KIFC3: variants seen among roughly 807,000 people sequenced by gnomAD.
KIFC3 encodes the protein kinesin family member C3.
Under a neutral mutation model 101.8 loss-of-function variants are expected in KIFC3, and 60 were observed. The ratio of observed to expected loss-of-function variants is 0.59; its 90% CI spans 0.48 to 0.73. The LOEUF is 0.73. Ranked by LOEUF, KIFC3 falls within the 30% of genes least tolerant of loss-of-function variation. The probability of loss-of-function intolerance (pLI) is 0.00; values close to 1 mark genes in which losing one functional copy is unlikely to be tolerated. For synonymous variants in KIFC3, 476 were observed against 482.7 expected, an observed-to-expected ratio of 0.99 and a Z score of 0.18; for missense variants, 966 against 1,137.1, an observed-to-expected ratio of 0.85 and a Z score of 2.16.
intron 3 of KIFC3, among the ~76,000 whole-genome samples, chr16:57,789,791 C>G (rs2053691992): frequency 6.6e-6 from 1 of 152,146 alleles, no homozygotes; most frequent in Admixed American, 6.5e-5. Flanking sequence ...GGCTGGAGTG[C>G]AGTGGTGTGA....
intron 1 of KIFC3, among the ~76,000 whole-genome samples, chr16:57,861,453 A>G (rs1420197925): frequency 4.6e-5 from 7 of 152,172 alleles, no homozygotes; most frequent in Non-Finnish European, 8.8e-5. Context: ...CTCACTGCAC[A>G]ACCTTAGATA....
intron 1 of KIFC3, among the ~76,000 whole-genome samples, chr16:57,818,893 A>T (rs534810025): frequency 2.7e-4 from 41 of 152,212 alleles, no homozygotes; most frequent in Non-Finnish European, 5.7e-4. Flanking sequence ...TCAGCTCCTC[A>T]TCCCCTGTCT....
chr16:57,761,047 G>T lies in KIFC3; in HGVS notation c.1997C>A (p.Thr666Asn), dbSNP rs1722365806. 1 of 1,609,466 alleles carries T rather than the reference G, an allele frequency of 6.2e-7. No individual in the cohort carries two copies. The change falls in exon 15 of 20, where the codon ACC (threonine) becomes AAC (asparagine). Residue 666 changes from threonine (T) to asparagine (N), a missense_variant. By Grantham distance (65) the Thr-to-Asn change is moderately conservative. This residue lies in a region of KIFC3 where 689 missense variants were observed against 884.6 expected (regional missense o/e 0.78). Coordinates refer to ENST00000445690, the MANE Select transcript of KIFC3 (RefSeq NM_001130100.2). Reference sequence around the variant, plus strand: ...AGGCTGCCTGCCACTCTCACCCGTGGTGCGGAGGCCTGTGCTGCAGTCCAC... The same window carrying T: ...AGGCTGCCTGCCACTCTCACCCGTGTTGCGGAGGCCTGTGCTGCAGTCCAC... ...RGVDCSTGLR[T>N]TGKLNLVDLA...
At chr16:57,858,888 C>T (rs769214348) in intron 1 of KIFC3, among the ~76,000 whole-genome samples, 13 of 152,058 alleles carry the variant, frequency 8.5e-5, no homozygotes, top group Non-Finnish European at 1.2e-4. Flanking sequence ...AAATCAATGC[C>T]GCAGTGAGCT....
chr16:57,837,883 G>A (rs1197992323), intron 1 of KIFC3, among the ~76,000 whole-genome samples: 2 of 152,132 alleles, frequency 1.3e-5, no homozygotes, highest in Non-Finnish European at 2.9e-5. Flanking sequence ...TGCTTGCTGC[G>A]TGGATGGGAT....
intron 1 of KIFC3, among the ~76,000 whole-genome samples, chr16:57,832,287 C>G (rs1364787007): frequency 7.4e-6 from 1 of 135,688 alleles, no homozygotes; most frequent in Admixed American, 7.9e-5. Flanking sequence ...TCCCAGAGTG[C>G]TGGGATTACA....
chr16:57,843,681 G>T (rs762852725), intron 1 of KIFC3, among the ~76,000 whole-genome samples: 7 of 152,156 alleles, frequency 4.6e-5, no homozygotes, highest in Non-Finnish European at 7.3e-5. Context: ...AATCCCTGGT[G>T]CTCAGTGAGT....
At chr16:57,818,718 G>A (rs2055285124) in intron 1 of KIFC3, among the ~76,000 whole-genome samples, 1 of 152,162 alleles carries the variant, frequency 6.6e-6, no homozygotes, top group Admixed American at 6.6e-5. Context: ...GGCTCCAAAT[G>A]GAGACCTCGT....
chr16:57,849,808 C>T (rs527313049), intron 1 of KIFC3, among the ~76,000 whole-genome samples: 19 of 152,228 alleles, frequency 1.2e-4, no homozygotes, highest in African/African-American at 4.6e-4. Flanking sequence ...GAGGCTGAGG[C>T]AGGAGAATCA....
upstream of KIFC3, chr16:57,802,781 G>C (rs963599950): frequency 2.0e-5 from 15 of 742,868 alleles, no homozygotes; most frequent in Non-Finnish European, 3.4e-5. This position sits in a 1 kb window ranked among gnomAD's most constrained non-coding sequence, Gnocchi z 5.0. Flanking sequence ...GCCTGCACAC[G>C]GGCTGGCACA....
chr16:57,842,514 C>A (rs1448804203), intron 1 of KIFC3, among the ~76,000 whole-genome samples: 1 of 152,206 alleles, frequency 6.6e-6, no homozygotes, highest in African/African-American at 2.4e-5. Context: ...ATTTTATCAA[C>A]AATGAGAACA....
At position 57,758,702 on chromosome 16, in the gene KIFC3, G is replaced by T; in HGVS notation, c.*232C>A. ...CAGCCACCCCCGCCTTTCCGCCCAT[G>T]CAATTTGCACTCAGAGCCACAGCCG... On this transcript the variant is annotated 3_prime_UTR_variant, in exon 20 of 20. Coordinates refer to ENST00000445690, the MANE Select transcript of KIFC3 (RefSeq NM_001130100.2). The T allele has an allele frequency of 1.3e-6, 1 of 752,740 alleles. No individual in the cohort carries two copies. Among genetic ancestry groups the T allele is most frequent in the Non-Finnish European group, 2.3e-6 (1 of 429,876 alleles). The allele number at this position is 752,740 out of a possible 1,614,324, so 46.6% of individuals were successfully genotyped here.
chr16:57,769,022 A>G lies in KIFC3; in HGVS notation c.1218+573T>C, dbSNP rs1555605119. Among the ~76,000 whole-genome samples, 1 of 152,196 alleles carries G rather than the reference A, an allele frequency of 6.6e-6. No individual in the cohort carries two copies. Among genetic ancestry groups the G allele is most frequent in the Non-Finnish European group, 1.5e-5 (1 of 68,036 alleles). On this transcript the variant is annotated intron_variant, in intron 9 of 19. Coordinates refer to ENST00000445690, the MANE Select transcript of KIFC3 (RefSeq NM_001130100.2). The surrounding 1 kb of genome is among the most constrained non-coding windows in gnomAD (Gnocchi z 4.3). Reference sequence around the variant, plus strand: ...CTCTAATAAATAATTTTTTTAAAAAATACGTATGTAGCATGTTTTTTGTTT... The same window carrying G: ...CTCTAATAAATAATTTTTTTAAAAAGTACGTATGTAGCATGTTTTTTGTTT...
chr16:57,815,631 G>A (rs746156648), intron 1 of KIFC3: 5 of 1,289,944 alleles, frequency 3.9e-6, no homozygotes, highest in Non-Finnish European at 5.1e-6. Context: ...TGTTGGAAAC[G>A]GAGGCTCCAA....
Position 57,795,123 on chromosome 16 carries a change from G to T in KIFC3, c.191C>A (p.Pro64Gln), listed in dbSNP as rs750978673. 6.2e-7 allele frequency: 1 copy of T among 1,611,508 alleles called. No homozygotes were observed. Among genetic ancestry groups the T allele is most frequent in the Non-Finnish European group, 8.5e-7 (1 of 1,179,080 alleles). The change falls in exon 3 of 20, where the codon CCA (proline) becomes CAA (glutamine). Residue 64 changes from proline (P) to glutamine (Q), a missense_variant. Transcript: ENST00000445690. Reference sequence around the variant, plus strand: ...ACTGGAGTCCTCGTCACCGCAGACTGGGGTATCTTTTCCACGCCCTGTCCC... The same window carrying T: ...ACTGGAGTCCTCGTCACCGCAGACTTGGGTATCTTTTCCACGCCCTGTCCC... ...RLRTGRGKDT[P>Q]VCGDEDSSAR...
intron 1 of KIFC3, among the ~76,000 whole-genome samples, chr16:57,811,841 G>A (rs923659415): frequency 1.3e-5 from 2 of 151,104 alleles, no homozygotes; most frequent in Middle Eastern, 3.2e-3. Context: ...CTTGAACCTG[G>A]GAGGCAGAGG....
At chr16:57,782,872 G>C (rs1555615607) in intron 3 of KIFC3, among the ~76,000 whole-genome samples, 5 of 152,236 alleles carry the variant, frequency 3.3e-5, no homozygotes, top group Non-Finnish European at 4.4e-5. Context: ...ATTGAACCTG[G>C]GAGGTGGAGA....
rs145229450 is a variant in KIFC3, at chr16:57,860,192, G to A, written c.108+2537C>T. The stretch of plus-strand genomic sequence containing the variant: ...AAATCAAACTGGGGCTCTGGCTCAC[G>A]CCTGTAATCCCAGCACTTCGGGAGG... On this transcript the variant is annotated intron_variant, in intron 1 of 2. Coordinates refer to the KIFC3 transcript ENST00000563028. 2.9e-3 allele frequency among the ~76,000 whole-genome samples: 434 copies of A among 151,994 alleles called. 3 individuals are homozygous for A. The highest frequency in any genetic ancestry group is 8.8e-3 in the African/African-American group (365 of 41,458).
intron 1 of KIFC3, among the ~76,000 whole-genome samples, chr16:57,844,328 G>A (rs913833763): frequency 1.3e-5 from 2 of 151,852 alleles, no homozygotes; most frequent in African/African-American, 4.8e-5. Flanking sequence ...TACTCGGGAG[G>A]GTGAGGCAGG....
Sources: gnomAD v4.1 joint callset for allele counts (sites outside exome capture counted in the v4.1 genomes callset) on GRCh38, gnomAD v4.1.1 for gene constraint, gnomAD v4.1.1 regional missense constraint, Gnocchi (gnomAD v3.1) non-coding constraint, MANE v1.5 for transcripts, NCBI Gene and HGNC (gene_info 2026-07-23, HGNC 2026-07-21) for gene names.